The following SUPT3H variants were observed in gnomAD, a reference collection of about 807,000 sequenced individuals.
SUPT3H encodes transcription initiation protein SPT3 homolog.
Under a neutral mutation model 44.3 loss-of-function variants are expected in SUPT3H, and 44 were observed. That is an observed-to-expected ratio of 0.99 (90% CI 0.78 to 1.28). The LOEUF is 1.28. SUPT3H is among the 50% of genes most tolerant of loss of function. SUPT3H has a pLI of 0.00. For missense variants in SUPT3H, 380 were observed against 387.1 expected, an observed-to-expected ratio of 0.98 and a Z score of 0.15; for synonymous variants, 124 against 125.6, an observed-to-expected ratio of 0.99 and a Z score of 0.09.
In SUPT3H at chr6:44,907,064, G is replaced by C. The variant is rs375982365; in HGVS notation, c.912+25589C>G. Among the ~76,000 whole-genome samples, 8 of 152,234 alleles carry C rather than the reference G, an allele frequency of 5.3e-5. No homozygotes were observed. The South Asian group carries it at 1.2e-3, about 24-fold the overall frequency. On this transcript the variant is annotated intron_variant, in intron 10 of 10. Transcript: ENST00000371459. ...GATACAATTCTTTTAAAAACCAAAT[G>C]ACACTAGTTATGTTTCTCAAATTAG... is the stretch of plus-strand genomic sequence containing the variant.
chr6:45,231,812 A>T (rs1768112350), intron 2 of SUPT3H, among the ~76,000 whole-genome samples: 1 of 152,088 alleles, frequency 6.6e-6, no homozygotes, highest in Admixed American at 6.5e-5. Context: ...GTCTAAGTGG[A>T]TTATTACAAA....
At chr6:45,005,695 C>T (rs1423545105) in intron 5 of SUPT3H, among the ~76,000 whole-genome samples, 8 of 111,100 alleles carry the variant, frequency 7.2e-5, no homozygotes, top group Non-Finnish European at 1.4e-4. Context: ...GTGCAAAACT[C>T]GTCTCAAAAA....
intron 3 of SUPT3H, among the ~76,000 whole-genome samples, chr6:45,103,033 T>TGAA (rs1349479629): frequency 6.6e-6 from 1 of 152,008 alleles, no homozygotes; most frequent in Non-Finnish European, 1.5e-5. Flanking sequence ...GAGATTTAAA[T>TGAA]GAAGAGTACA....
At chr6:45,172,370 C>T (rs757778266) in intron 2 of SUPT3H, among the ~76,000 whole-genome samples, 1 of 151,860 alleles carries the variant, frequency 6.6e-6, no homozygotes, top group Non-Finnish European at 1.5e-5. Context: ...TGTGCCCAGC[C>T]CTATTTTATC....
Position 44,811,995 on chromosome 6 carries a change from C to A in SUPT3H, c.*53-2494G>T, listed in dbSNP as rs151174201. Among the ~76,000 whole-genome samples, 574 of 152,148 alleles carry A rather than the reference C, an allele frequency of 3.8e-3. 1 individual carries two copies. Among genetic ancestry groups the A allele is most frequent in the African/African-American group, 0.012 (489 of 41,500 alleles). On this transcript the variant is annotated intron_variant and NMD_transcript_variant, in intron 11 of 11. Coordinates refer to the SUPT3H transcript ENST00000475057. Reference sequence around the variant, plus strand: ...CAGTGGTTCTGATTCTGTGACTGAACCCTGACTGATAACTCAAGGTATGAG... The same window carrying A: ...CAGTGGTTCTGATTCTGTGACTGAAACCTGACTGATAACTCAAGGTATGAG...
intron 3 of SUPT3H, among the ~76,000 whole-genome samples, chr6:45,060,724 C>G (rs1215763793): frequency 6.6e-6 from 1 of 152,074 alleles, no homozygotes; most frequent in Admixed American, 6.6e-5. Context: ...TATCCAGAGT[C>G]TACAAGGAAC....
chr6:44,921,115 T>C (rs1474552114), intron 10 of SUPT3H, among the ~76,000 whole-genome samples: 1 of 152,208 alleles, frequency 6.6e-6, no homozygotes, highest in Non-Finnish European at 1.5e-5. Flanking sequence ...CCATACACCA[T>C]ACCTCCCTCC....
chr6:45,236,248 G>A (rs1476846901), intron 2 of SUPT3H, among the ~76,000 whole-genome samples: 3 of 152,066 alleles, frequency 2.0e-5, no homozygotes, highest in African/African-American at 4.8e-5. Context: ...GGAACCCAAC[G>A]TTGGGGCTCA....
intron 11 of SUPT3H, among the ~76,000 whole-genome samples, chr6:44,821,656 ATGTC>A (rs1465700508): frequency 3.9e-5 from 6 of 152,246 alleles, no homozygotes; most frequent in African/African-American, 1.2e-4. Flanking sequence ...AAGCAATAAA[ATGTC>A]AGGAAAAGCA....
chr6:44,994,926 TG>T (rs1781074762), intron 6 of SUPT3H, among the ~76,000 whole-genome samples: 1 of 151,798 alleles, frequency 6.6e-6, no homozygotes, highest in South Asian at 2.1e-4. Context: ...TTGTTTGAAT[TG>T]GTTTTTTTTT....
intron 10 of SUPT3H, among the ~76,000 whole-genome samples, chr6:44,876,880 T>C (rs1439847055): frequency 1.3e-5 from 2 of 149,592 alleles, no homozygotes; most frequent in African/African-American, 4.9e-5. Context: ...TATGACATTG[T>C]ATGAAAATTT....
intron 6 of SUPT3H, among the ~76,000 whole-genome samples, chr6:44,981,868 T>TG (rs1431176186): frequency 3.3e-5 from 3 of 89,596 alleles, no homozygotes; most frequent in Non-Finnish European, 6.4e-5. Flanking sequence ...CTACATGACA[T>TG]GAAAAAAAAA....
At chr6:45,321,197 A>T (rs1176196698) in intron 2 of SUPT3H, among the ~76,000 whole-genome samples, 2 of 152,108 alleles carry the variant, frequency 1.3e-5, no homozygotes, top group East Asian at 3.9e-4. Flanking sequence ...AAAGACTAAA[A>T]CTATAAACTA....
At chr6:45,117,912 TCAA>T (rs1801071186) in intron 2 of SUPT3H, among the ~76,000 whole-genome samples, 1 of 152,054 alleles carries the variant, frequency 6.6e-6, no homozygotes, top group South Asian at 2.1e-4. Flanking sequence ...ATCTCTAGTC[TCAA>T]CAATACTGTA....
At chr6:45,165,363 C>T (rs553151099) in intron 2 of SUPT3H, among the ~76,000 whole-genome samples, 3 of 152,204 alleles carry the variant, frequency 2.0e-5, no homozygotes, top group Non-Finnish European at 2.9e-5. Context: ...GACTCTACCA[C>T]TCAGTTAGCA....
chr6:45,082,314 A>T (rs1795918585), intron 3 of SUPT3H, among the ~76,000 whole-genome samples: 1 of 152,172 alleles, frequency 6.6e-6, no homozygotes, highest in Non-Finnish European at 1.5e-5. Flanking sequence ...CTCTGATGCC[A>T]AAAGCTGGCA....
intron 3 of SUPT3H, among the ~76,000 whole-genome samples, chr6:45,064,362 A>G (rs1163337451): frequency 6.8e-6 from 1 of 146,918 alleles, no homozygotes; most frequent in African/African-American, 2.5e-5. Context: ...ATCATGCCAA[A>G]ATGTAAAGAC....
intron 10 of SUPT3H, among the ~76,000 whole-genome samples, chr6:44,842,292 C>CT (rs1361024065): frequency 1.3e-5 from 2 of 152,126 alleles, no homozygotes; most frequent in East Asian, 3.9e-4. Flanking sequence ...ACACAGGAGT[C>CT]TCACTTTGGG....
chr6:45,140,174 T>A (rs1189414001), intron 2 of SUPT3H, among the ~76,000 whole-genome samples: 1 of 152,044 alleles, frequency 6.6e-6, no homozygotes, highest in African/African-American at 2.4e-5. Context: ...CCCACTGGCC[T>A]GCAAACCACC....
Sources: gnomAD v4.1 joint callset for allele counts (sites outside exome capture counted in the v4.1 genomes callset) on GRCh38, gnomAD v4.1.1 for gene constraint, MANE v1.5 for transcripts, NCBI Gene and HGNC (gene_info 2026-07-23, HGNC 2026-07-21) for gene names.